Variants in MACROD2 observed in about 807,000 individuals in gnomAD.
The protein encoded by MACROD2 is ADP-ribose glycohydrolase MACROD2.
A neutral mutation model predicts 70.4 loss-of-function variants in MACROD2; 36 were observed. That is an observed-to-expected ratio of 0.51 (90% confidence interval 0.39 to 0.68). MACROD2 has a LOEUF of 0.68. Ranked by LOEUF, MACROD2 falls within the 30% of genes least tolerant of loss-of-function variation. The pLI is 0.00. For synonymous variants in MACROD2, 172 were observed against 178.8 expected, an observed-to-expected ratio of 0.96 and a Z score of 0.30; for missense variants, 496 against 538.4, an observed-to-expected ratio of 0.92 and a Z score of 0.78.
intron 5 of MACROD2, among the ~76,000 whole-genome samples, chr20:14,979,002 A>G: frequency 6.7e-6 from 1 of 149,434 alleles, no homozygotes; most frequent in Admixed American, 6.7e-5. Flanking sequence ...CCTAGGCTGA[A>G]GTACAGTGGT....
intron 5 of MACROD2, among the ~76,000 whole-genome samples, chr20:15,126,111 CTTTTTTTT>C (rs5840654): frequency 7.1e-5 from 7 of 98,822 alleles, no homozygotes; most frequent in African/African-American, 2.9e-4. Context: ...ATTGTTTCAA[CTTTTTTTT>C]TTTTTTTTTT....
chr20:14,695,825 T>C (rs997643388), intron 5 of MACROD2, among the ~76,000 whole-genome samples: 1 of 152,214 alleles, frequency 6.6e-6, no homozygotes, highest in African/African-American at 2.4e-5. Flanking sequence ...GCCAGAGGCA[T>C]CCAGCCAAGC....
chr20:14,693,171 C>G (rs537236293), intron 5 of MACROD2, among the ~76,000 whole-genome samples: 1 of 152,176 alleles, frequency 6.6e-6, no homozygotes, highest in Non-Finnish European at 1.5e-5. Flanking sequence ...AGCAGTGACA[C>G]TGGCATTAAC....
At chr20:15,863,226 T>C (rs546408843) in intron 9 of MACROD2, among the ~76,000 whole-genome samples, 223 of 152,276 alleles carry the variant, frequency 1.5e-3, no homozygotes, top group Admixed American at 3.3e-3. Context: ...TGTAAGCCCA[T>C]TTATATTCAT....
At chr20:14,537,670 G>T (rs2085382231) in intron 4 of MACROD2, among the ~76,000 whole-genome samples, 1 of 152,114 alleles carries the variant, frequency 6.6e-6, no homozygotes, top group Non-Finnish European at 1.5e-5. Context: ...CTATTGAAAA[G>T]GAGCTTCAGG....
chr20:14,476,759 A>C (rs2084599998), intron 3 of MACROD2, among the ~76,000 whole-genome samples: 1 of 152,224 alleles, frequency 6.6e-6, no homozygotes, highest in Non-Finnish European at 1.5e-5. Flanking sequence ...TAATATTTTA[A>C]TGAGGAACAA....
At chr20:15,347,020 A>G (rs2078174045) in intron 6 of MACROD2, among the ~76,000 whole-genome samples, 5 of 152,228 alleles carry the variant, frequency 3.3e-5, no homozygotes, top group Admixed American at 3.3e-4. Context: ...TGAGAAGTTC[A>G]TTCCAGTTCT....
At chr20:15,420,345 A>T (rs552302457) in intron 6 of MACROD2, among the ~76,000 whole-genome samples, 1 of 151,322 alleles carries the variant, frequency 6.6e-6, no homozygotes, top group South Asian at 2.2e-4. Context: ...CAGCTATTTC[A>T]AAGGTATAAT....
In MACROD2 at chr20:15,166,611, CA is replaced by C. The variant is rs200416960; in HGVS notation, c.419-63320del. On this transcript the variant is annotated intron_variant, in intron 5 of 17. Coordinates refer to ENST00000684519, the MANE Select transcript of MACROD2 (RefSeq NM_001351661.2). ...AAGTATAAGATCATCTCAATAGAAA[CA>C]AAAAAAAAGTATAAAATACAACAAT... Among the ~76,000 whole-genome samples, 1,054 of 148,560 alleles carry C rather than the reference CA, an allele frequency of 7.1e-3. 7 individuals are homozygous for C. The highest frequency in any genetic ancestry group is 9.9e-3 in the African/African-American group (402 of 40,510).
intron 4 of MACROD2, among the ~76,000 whole-genome samples, chr20:14,669,710 G>A (rs1232494419): frequency 6.6e-6 from 1 of 151,962 alleles, no homozygotes; most frequent in East Asian, 1.9e-4. Context: ...GGAAGTTTTT[G>A]GTAGAAAAGG....
intron 3 of MACROD2, among the ~76,000 whole-genome samples, chr20:14,211,575 T>C (rs149811192): frequency 5.9e-5 from 9 of 152,316 alleles, no homozygotes; most frequent in African/African-American, 2.2e-4. Context: ...AGGAGTCTGA[T>C]AGTATAGATT....
At chr20:14,831,933 T>C (rs1164176458) in intron 5 of MACROD2, among the ~76,000 whole-genome samples, 1 of 146,196 alleles carries the variant, frequency 6.8e-6, no homozygotes, top group Non-Finnish European at 1.5e-5. Context: ...TGGGGATGCA[T>C]TCTGACTATA....
At chr20:15,046,461 G>A (rs376947469) in intron 5 of MACROD2, among the ~76,000 whole-genome samples, 3 of 152,128 alleles carry the variant, frequency 2.0e-5, no homozygotes, top group South Asian at 2.1e-4. Flanking sequence ...CCCTTTAGAC[G>A]GTCTGTTTCT....
At chr20:15,565,620 T>G (rs1425962923) in intron 8 of MACROD2, among the ~76,000 whole-genome samples, 1 of 152,192 alleles carries the variant, frequency 6.6e-6, no homozygotes, top group African/African-American at 2.4e-5. Context: ...ATTCTTTTTT[T>G]GTTTGTTTGT....
intron 10 of MACROD2, among the ~76,000 whole-genome samples, chr20:15,925,319 T>A (rs2065472602): frequency 6.6e-6 from 1 of 152,228 alleles, no homozygotes; most frequent in Non-Finnish European, 1.5e-5. Context: ...AGTTATTGAT[T>A]GTGTACAGGA....
chr20:15,538,253 T>G (rs62195569), intron 8 of MACROD2, among the ~76,000 whole-genome samples: 5,365 of 152,306 alleles, frequency 0.035, 159 homozygotes, highest in East Asian at 0.16. Flanking sequence ...TGTCAGATAC[T>G]GGGCTGGGTG....
chr20:15,835,529 T>C (rs1191171346), intron 8 of MACROD2, among the ~76,000 whole-genome samples: 1 of 152,136 alleles, frequency 6.6e-6, no homozygotes, highest in Non-Finnish European at 1.5e-5. Context: ...GCAATTAATG[T>C]AGTAAATTAG....
At chr20:15,245,834 G>T (rs1396141919) in intron 6 of MACROD2, among the ~76,000 whole-genome samples, 1 of 152,164 alleles carries the variant, frequency 6.6e-6, no homozygotes, top group Non-Finnish European at 1.5e-5. Context: ...CTTACCATGG[G>T]TTTATCGGGA....
chr20:15,278,679 A>T (rs907631179), intron 6 of MACROD2, among the ~76,000 whole-genome samples: 1 of 152,120 alleles, frequency 6.6e-6, no homozygotes, highest in Non-Finnish European at 1.5e-5. Context: ...CTCTCTGGGG[A>T]GGGGTGGTGT....
Sources: gnomAD v4.1 joint callset for allele counts (sites outside exome capture counted in the v4.1 genomes callset) on GRCh38, gnomAD v4.1.1 for gene constraint, MANE v1.5 for transcripts, NCBI Gene and HGNC (gene_info 2026-07-23, HGNC 2026-07-21) for gene names.